The following ABCA5 variants were observed in gnomAD, a reference collection of about 807,000 sequenced individuals.
ABCA5 encodes the protein ATP binding cassette subfamily A member 5.
Under a neutral mutation model 206.0 loss-of-function variants are expected in ABCA5, and 163 were observed. That is an observed-to-expected ratio of 0.79 (90% confidence interval 0.70 to 0.90). ABCA5 has a LOEUF of 0.90. ABCA5 is among the 40% of genes least tolerant of loss of function. The pLI is 0.00. For synonymous variants in ABCA5, 609 were observed against 613.8 expected, an observed-to-expected ratio of 0.99 and a Z score of 0.11; for missense variants, 1,859 against 1,912.9, an observed-to-expected ratio of 0.97 and a Z score of 0.53.
chr17:69,311,129 G>A (rs908424388), intron 3 of ABCA5, among the ~76,000 whole-genome samples: 1 of 152,118 alleles, frequency 6.6e-6, no homozygotes, highest in African/African-American at 2.4e-5. Context: ...AGGAGGCAGA[G>A]GCTGCAGTGA....
intron 38 of ABCA5, 94 bp downstream of exon 38, chr17:69,248,168 T>C (rs1243542637): frequency 1.4e-6 from 1 of 708,590 alleles, no homozygotes; most frequent in Admixed American, 2.8e-5. Context: ...GTCACTGGTT[T>C]ACGATATCTC....
intron 18 of ABCA5, among the ~76,000 whole-genome samples, chr17:69,282,061 C>A (rs1480823667): frequency 6.6e-6 from 1 of 152,154 alleles, no homozygotes; most frequent in African/African-American, 2.4e-5. Context: ...ATCCACCTTG[C>A]TCCTTACTGC....
chr17:69,291,027 C>T (rs1348431439), intron 12 of ABCA5, among the ~76,000 whole-genome samples, 189 bp downstream of exon 12: 2 of 152,052 alleles, frequency 1.3e-5, no homozygotes, highest in African/African-American at 2.4e-5. Flanking sequence ...AAATTAGATC[C>T]TTTTTACTTT....
In ABCA5 at chr17:69,246,177, T is replaced by C. The variant is rs908961075; in HGVS notation, c.*1360A>G. 6.6e-6 allele frequency: 1 copy of C among 151,928 alleles called. No individual in the cohort carries two copies. The highest frequency in any genetic ancestry group is 1.5e-5 in the Non-Finnish European group (1 of 67,804). The allele number at this position is 151,928 out of a possible 1,614,324, so 9.4% of individuals were successfully genotyped here. On this transcript the variant is annotated 3_prime_UTR_variant, in exon 39 of 39. Coordinates refer to ENST00000392676, the MANE Select transcript of ABCA5 (RefSeq NM_172232.4). The stretch of plus-strand genomic sequence containing the variant: ...TCTTATTACACAATAAAGCTAAAAG[T>C]TCATTAAATTTTGCCTACATTAAAG...
intron 1 of ABCA5, among the ~76,000 whole-genome samples, chr17:69,320,445 G>C (rs769856580): frequency 7.2e-5 from 11 of 151,880 alleles, no homozygotes; most frequent in Non-Finnish European, 1.6e-4. Context: ...TCAACAATCT[G>C]ATTTTTCTTA....
At chr17:69,323,344 C>G (rs1236400048) in intron 1 of ABCA5, among the ~76,000 whole-genome samples, 3 of 152,126 alleles carry the variant, frequency 2.0e-5, no homozygotes, top group Non-Finnish European at 4.4e-5. Context: ...TAACCTCGTA[C>G]GAAAAATGAT....
chr17:69,257,878 C>T (rs1402204501), intron 28 of ABCA5, among the ~76,000 whole-genome samples: 3 of 152,058 alleles, frequency 2.0e-5, no homozygotes, highest in African/African-American at 7.2e-5. Context: ...GGATGGACTG[C>T]TGCTTCCTCT....
intron 8 of ABCA5, among the ~76,000 whole-genome samples, chr17:69,302,503 A>C (rs575077587): frequency 1.4e-3 from 207 of 152,350 alleles, no homozygotes; most frequent in Non-Finnish European, 2.7e-3. Flanking sequence ...TAAAAAGTAA[A>C]AAATTTATAA....
intron 34 of ABCA5, 73 bp from the exon 35 acceptor site, chr17:69,251,939 C>T: frequency 6.5e-7 from 1 of 1,539,718 alleles, no homozygotes; most frequent in Non-Finnish European, 8.8e-7. Flanking sequence ...TTTAAAAATC[C>T]AACCGGTTGG....
At chr17:69,273,848 A>C in intron 20 of ABCA5, 111 bp downstream of exon 20, 1 of 1,005,398 alleles carries the variant, frequency 9.9e-7, no homozygotes, top group East Asian at 2.6e-5. Flanking sequence ...GATTTCATGC[A>C]GACAGACCAT....
Position 69,271,306 on chromosome 17 carries a change from A to G in ABCA5, c.2765-17T>C. The G allele has an allele frequency of 6.3e-7, 1 of 1,597,402 alleles. No homozygotes were observed. Among genetic ancestry groups the G allele is most frequent in the South Asian group, 1.1e-5 (1 of 88,304 alleles). On this transcript the variant is annotated splice_polypyrimidine_tract_variant and intron_variant, in intron 20 of 38. Coordinates refer to ENST00000392676, the MANE Select transcript of ABCA5 (RefSeq NM_172232.4). ...TATCTGAGTCTGGTGTTAGAAAATAAGCAAATAATAAAAAATGAGTCTAAA... is the reference window on the plus strand; with the variant it reads ...TATCTGAGTCTGGTGTTAGAAAATAGGCAAATAATAAAAAATGAGTCTAAA...
intron 1 of ABCA5, chr17:69,318,772 G>C: frequency 1.5e-6 from 1 of 680,696 alleles, no homozygotes; most frequent in Non-Finnish European, 2.7e-6. Flanking sequence ...AAAATTGATG[G>C]ACAAAAAGTT....
chr17:69,252,016 A>ACTTGTATATTCTTTT, intron 34 of ABCA5, 150 bp from the exon 35 acceptor site: 1 of 612,598 alleles, frequency 1.6e-6, no homozygotes, highest in Non-Finnish European at 2.6e-6. Context: ...CCCAACTATG[A>ACTTGTATATTCTTTT]TTTTTTTTTT....
At position 69,284,023 on chromosome 17, in the gene ABCA5, A is replaced by C. The variant is rs759847215; in HGVS notation, c.2322T>G (p.Tyr774Ter). 1 of 1,607,076 alleles carries C rather than the reference A, an allele frequency of 6.2e-7. No individual in the cohort carries two copies. The highest frequency in any genetic ancestry group is 1.1e-5 in the South Asian group (1 of 89,366). ...DSHSNLGVIS[Y>*]GVSMTTLEDV... Reference sequence around the variant, plus strand: ...CTTCCAAAGTCGTCATGGAAACACCATAAGAAATGACACCCAAATTTGAAT... The same window carrying C: ...CTTCCAAAGTCGTCATGGAAACACCCTAAGAAATGACACCCAAATTTGAAT... The change falls in exon 18 of 39, where the codon TAT becomes TAG. Residue 774 changes from tyrosine to a stop codon, truncating the protein, a stop_gained. Transcript: ENST00000392676. LOFTEE classifies it high-confidence loss of function.
intron 38 of ABCA5, 57 bp from the exon 39 acceptor site, chr17:69,247,701 C>CT: frequency 2.1e-6 from 2 of 964,262 alleles, no homozygotes; most frequent in Non-Finnish European, 3.2e-6. Context: ...CCTCAAAGAA[C>CT]TTTTAACTAA....
chr17:69,300,056 T>C (rs1468894525), intron 9 of ABCA5, among the ~76,000 whole-genome samples: 1 of 152,204 alleles, frequency 6.6e-6, no homozygotes, highest in Non-Finnish European at 1.5e-5. Flanking sequence ...GTGAATTTTA[T>C]TTCTATTATT....
At chr17:69,304,383 A>G (rs764247578) in intron 7 of ABCA5, 15 of 200,944 alleles carry the variant, frequency 7.5e-5, no homozygotes, top group Non-Finnish European at 1.4e-4. Context: ...CCAATACTTG[A>G]CAGTCTTAAT....
chr17:69,322,191 G>A (rs1363839278), intron 1 of ABCA5, among the ~76,000 whole-genome samples: 1 of 151,846 alleles, frequency 6.6e-6, no homozygotes, highest in African/African-American at 2.4e-5. Context: ...CCAACATGGT[G>A]AAACCCTGTC....
chr17:69,268,720 C>T (rs1338717513), intron 22 of ABCA5: 1 of 152,154 alleles, frequency 6.6e-6, no homozygotes, highest in East Asian at 1.9e-4. Context: ...GAATACAGAC[C>T]CGTGGGACAG....
Sources: allele counts gnomAD v4.1 joint callset (sites outside exome capture counted in the v4.1 genomes callset), GRCh38; gene constraint gnomAD v4.1.1; transcripts MANE v1.5; gene names NCBI Gene and HGNC (gene_info 2026-07-23, HGNC 2026-07-21).